The following IFNA5 variants were observed in gnomAD, a reference collection of about 807,000 sequenced individuals.
IFNA5 encodes the protein interferon alpha 5.
For synonymous variants in IFNA5, 95 were observed against 77.6 expected, an observed-to-expected ratio of 1.22 and a Z score of -1.18; for missense variants, 267 against 213.8, an observed-to-expected ratio of 1.25 and a Z score of -1.55.
the IFNA5 span, chr9:21,304,827 TCA>T: frequency 1.2e-6 from 2 of 1,614,196 alleles, no homozygotes; most frequent in Non-Finnish European, 1.7e-6. Context: ...AAGTATTTTC[TCA>T]CAGTCAGGAT....
rs1420109213 is a variant in IFNA5 at position 21,304,969 on chromosome 9, T to C, written c.288A>G (p.Ser96=). The C allele has an allele frequency of 1.2e-6, 2 of 1,614,208 alleles. No individual in the cohort carries two copies. The highest frequency in any genetic ancestry group is 1.7e-6 in the Non-Finnish European group (2 of 1,180,028). The part of the protein sequence containing the change: ...QTFNLFSTKD[S]SATWDETLLD... ...GAAGTGTCTCATCCCAAGTAGCAGA[T>C]GAGTCCTTTGTGCTGAAGAGATTGA... is the stretch of plus-strand genomic sequence containing the variant. The change falls in exon 1 of 1, where the codon TCA becomes TCG. Residue 96 remains serine, a synonymous_variant. Transcript: ENST00000610521.
In IFNA5 at chr9:21,304,329, A is replaced by T. The variant is rs1819806552; in HGVS notation, c.*358T>A. The T allele has an allele frequency of 6.6e-6, 1 of 152,450 alleles. No homozygotes were observed. The allele number at this position is 152,450 out of a possible 1,614,324, so 9.4% of individuals were successfully genotyped here. A position where few individuals can be genotyped will look rare whatever the true frequency, so the allele number is the denominator to read the frequency against. Reference sequence around the variant, plus strand: ...GAACAAAGCAAAATAATCAGTTGACAAAACATAAAGAACATATTTTATTAT... The same window carrying T: ...GAACAAAGCAAAATAATCAGTTGACTAAACATAAAGAACATATTTTATTAT... On this transcript the variant is annotated 3_prime_UTR_variant, in exon 1 of 1. Coordinates refer to ENST00000610521, the MANE Select transcript of IFNA5 (RefSeq NM_002169.3).
rs149567637 is a variant in IFNA5 at position 21,305,060 on chromosome 9, A to G, written c.197T>C (p.Phe66Ser). The G allele has an allele frequency of 6.8e-4, 1,101 of 1,614,210 alleles. 8 individuals carry two copies. In the African/African-American group the frequency reaches 0.014, roughly 20 times the overall value. ...AGCCTTCTGGAACTGGTTGCCATCA[A>G]ACTCCTCCTGAGGAAATCCAAAGTC... ...RHDFGFPQEE[F>S]DGNQFQKAQA... The change falls in exon 1 of 1, where the codon TTT becomes TCT. Residue 66 changes from phenylalanine to serine, a missense_variant. By Grantham distance (155) the Phe-to-Ser change is radical (BLOSUM62 -2). Transcript: ENST00000610521.
chr9:21,305,135 A>G lies in IFNA5; in HGVS notation c.122T>C (p.Met41Thr). 2 of 1,614,140 alleles carry G rather than the reference A, an allele frequency of 1.2e-6. No individual in the cohort carries two copies. The highest frequency in any genetic ancestry group is 1.7e-6 in the Non-Finnish European group (2 of 1,180,022). ...SLSNRRTLMI[M>T]AQMGRISPFS... ...AGGAGAGATTCTTCCCATTTGTGCCATTATCATCAAAGTCCTCCTGTTACT... is the reference window on the plus strand; with the variant it reads ...AGGAGAGATTCTTCCCATTTGTGCCGTTATCATCAAAGTCCTCCTGTTACT... The change falls in exon 1 of 1, where the codon ATG becomes ACG. Residue 41 changes from methionine to threonine, a missense_variant. Met to Thr is a moderately conservative substitution (Grantham distance 81). Coordinates refer to ENST00000610521, the MANE Select transcript of IFNA5 (RefSeq NM_002169.3).
Position 21,304,758 on chromosome 9 carries a change from C to G in IFNA5, c.499G>C (p.Val167Leu). The change falls in exon 1 of 1, where the codon GTC becomes CTC. Residue 167 changes from valine to leucine, a missense_variant. Coordinates refer to ENST00000610521, the MANE Select transcript of IFNA5 (RefSeq NM_002169.3). ...AAGGATCTCATGATTTCTGCTCTGACAACCTCCCATGCACAAGGGCTGTAT... is the reference window on the plus strand; with the variant it reads ...AAGGATCTCATGATTTCTGCTCTGAGAACCTCCCATGCACAAGGGCTGTAT... The part of the protein sequence containing the change: ...KKYSPCAWEV[V>L]RAEIMRSFSL... The G allele has an allele frequency of 6.2e-7, 1 of 1,613,978 alleles. No homozygotes were observed. The highest frequency in any genetic ancestry group is 8.5e-7 in the Non-Finnish European group (1 of 1,179,992).
rs1467169038 is a variant in IFNA5 at position 21,305,080 on chromosome 9, A to T, written c.177T>A (p.Phe59Leu). The part of the protein sequence containing the change: ...PFSCLKDRHD[F>L]GFPQEEFDGN... ...CATCAAACTCCTCCTGAGGAAATCC[A>T]AAGTCATGTCTGTCCTTCAGGCAGG... The change falls in exon 1 of 1, where the codon TTT becomes TTA. Residue 59 changes from phenylalanine to leucine, a missense_variant. Physicochemically the swap from Phe to Leu is conservative, Grantham distance 22. Transcript: ENST00000610521. 8 of 1,614,070 alleles carry T rather than the reference A, an allele frequency of 5.0e-6. No individual in the cohort carries two copies. The highest frequency in any genetic ancestry group is 6.8e-6 in the Non-Finnish European group (8 of 1,180,028).
rs1415139430 is a variant in IFNA5, at chr9:21,304,534, A to C, written c.*153T>G. 5 of 786,900 alleles carry C rather than the reference A, an allele frequency of 6.4e-6. No homozygotes were observed. The highest frequency in any genetic ancestry group is 7.9e-6 in the Non-Finnish European group (4 of 505,044). The allele number at this position is 786,900 out of a possible 1,614,324, so 48.7% of individuals were successfully genotyped here. The stretch of plus-strand genomic sequence containing the variant: ...TAAAGATTTTGTCCCTGTGGAGCTA[A>C]AGAAGTGTTGCTTAACACGTGTGAA... On this transcript the variant is annotated 3_prime_UTR_variant, in exon 1 of 1. Coordinates refer to ENST00000610521, the MANE Select transcript of IFNA5 (RefSeq NM_002169.3).
Position 21,304,513 on chromosome 9 carries a change from G to T in IFNA5, c.*174C>A, listed in dbSNP as rs541030869. 1 of 607,310 alleles carries T rather than the reference G, an allele frequency of 1.6e-6. No individual in the cohort carries two copies. 37.6% of individuals were successfully genotyped at this position (607,310 alleles called of 1,614,324 possible). On this transcript the variant is annotated 3_prime_UTR_variant, in exon 1 of 1. Coordinates refer to ENST00000610521, the MANE Select transcript of IFNA5 (RefSeq NM_002169.3). ...ATAGATTGGCATGATCATCTGTAAA[G>T]ATTTTGTCCCTGTGGAGCTAAAGAA...
Position 21,304,487 on chromosome 9 carries a change from G to C in IFNA5, c.*200C>G, listed in dbSNP as rs1819809644. 4.4e-6 allele frequency: 2 copies of C among 458,418 alleles called. No individual in the cohort carries two copies. Among genetic ancestry groups the C allele is most frequent in the East Asian group, 8.2e-5 (2 of 24,396 alleles). 28.4% of individuals were successfully genotyped at this position (458,418 alleles called of 1,614,324 possible). On this transcript the variant is annotated 3_prime_UTR_variant, in exon 1 of 1. Coordinates refer to ENST00000610521, the MANE Select transcript of IFNA5 (RefSeq NM_002169.3). ...GACAGATAGATAAATAGATAGAATA[G>C]ATAGATTGGCATGATCATCTGTAAA... is the stretch of plus-strand genomic sequence containing the variant.
rs1819817783 is a variant in IFNA5, at chr9:21,304,844, T to A, written c.413A>T (p.Asp138Val). The A allele has an allele frequency of 6.2e-7, 1 of 1,613,972 alleles. No homozygotes were observed. Among genetic ancestry groups the A allele is most frequent in the Non-Finnish European group, 8.5e-7 (1 of 1,180,008 alleles). ...GVEDTPLMNVDSILTVRKYFQ... is the reference protein window; with the variant it reads ...GVEDTPLMNVVSILTVRKYFQ... ...GTATTTTCTCACAGTCAGGATAGAGTCCACATTCATCAGAGGAGTGTCTTC... is the reference window on the plus strand; with the variant it reads ...GTATTTTCTCACAGTCAGGATAGAGACCACATTCATCAGAGGAGTGTCTTC... Residue 138 changes from aspartate to valine, a missense_variant, in exon 1 of 1, where the codon GAC (aspartate) becomes GTC (valine). Coordinates refer to ENST00000610521, the MANE Select transcript of IFNA5 (RefSeq NM_002169.3).
rs557546907 is a variant in IFNA5, at chr9:21,304,378, T to G, written c.*309A>C. The G allele has an allele frequency of 6.5e-6, 1 of 153,298 alleles. No homozygotes were observed. Among genetic ancestry groups the G allele is most frequent in the Admixed American group, 6.5e-5 (1 of 15,332 alleles). The allele number at this position is 153,298 out of a possible 1,614,324, so 9.5% of individuals were successfully genotyped here. A position where few individuals can be genotyped will look rare whatever the true frequency, so the allele number is the denominator to read the frequency against. Reference sequence around the variant, plus strand: ...ATATTAGCCACAAAGTAAAGGTGGATGTAATATTACCTGAACAAACATAAT... The same window carrying G: ...ATATTAGCCACAAAGTAAAGGTGGAGGTAATATTACCTGAACAAACATAAT... On this transcript the variant is annotated 3_prime_UTR_variant, in exon 1 of 1. Coordinates refer to ENST00000610521, the MANE Select transcript of IFNA5 (RefSeq NM_002169.3).
Position 21,304,995 on chromosome 9 carries a change from A to G in IFNA5, c.262T>C (p.Phe88Leu). The G allele has an allele frequency of 6.2e-7, 1 of 1,614,180 alleles. No individual in the cohort carries two copies. The highest frequency in any genetic ancestry group is 8.5e-7 in the Non-Finnish European group (1 of 1,180,012). The change falls in exon 1 of 1, where the codon TTC becomes CTC. Residue 88 changes from phenylalanine to leucine, a missense_variant. Coordinates refer to ENST00000610521, the MANE Select transcript of IFNA5 (RefSeq NM_002169.3). Reference sequence around the variant, plus strand: ...GAGTCCTTTGTGCTGAAGAGATTGAAGGTCTGCTGGATCATCTCATGGAGG... The same window carrying G: ...GAGTCCTTTGTGCTGAAGAGATTGAGGGTCTGCTGGATCATCTCATGGAGG... ...SVLHEMIQQT[F>L]NLFSTKDSSA... is the part of the protein sequence containing the mutation.
In IFNA5 at chr9:21,304,891, A is replaced by C; in HGVS notation, c.366T>G (p.Cys122Trp). ...LYQQLNDLEACMMQEVGVEDT... is the reference protein window; with the variant it reads ...LYQQLNDLEAWMMQEVGVEDT... ...CTTCCACTCCAACCTCCTGCATCAT[A>C]CAGGCTTCCAGGTCATTCAGCTGCT... is the stretch of plus-strand genomic sequence containing the variant. The change falls in exon 1 of 1, where the codon TGT becomes TGG. Residue 122 changes from cysteine to tryptophan, a missense_variant. Cys to Trp is a radical substitution (Grantham distance 215). Coordinates refer to ENST00000610521, the MANE Select transcript of IFNA5 (RefSeq NM_002169.3). The C allele has an allele frequency of 6.2e-7, 1 of 1,614,198 alleles. No individual in the cohort carries two copies. Among genetic ancestry groups the C allele is most frequent in the Non-Finnish European group, 8.5e-7 (1 of 1,180,028 alleles).
rs1290258241 is a variant in IFNA5, at chr9:21,304,816, A to G, written c.441T>C (p.Phe147=). 5.6e-6 allele frequency: 9 copies of G among 1,614,078 alleles called. No homozygotes were observed. In the East Asian group the frequency reaches 1.3e-4, roughly 24 times the overall value. The change falls in exon 1 of 1, where the codon TTT becomes TTC. Residue 147 remains phenylalanine, a synonymous_variant. Transcript: ENST00000610521. ...VDSILTVRKY[F]QRITLYLTEK... ...CTGTCAGATAGAGGGTGATTCTTTGAAAGTATTTTCTCACAGTCAGGATAG... is the reference window on the plus strand; with the variant it reads ...CTGTCAGATAGAGGGTGATTCTTTGGAAGTATTTTCTCACAGTCAGGATAG...
chr9:21,304,630 A>G lies in IFNA5; in HGVS notation c.*57T>C. ...ATTAATATTTGAAACGGCAGAACTC[A>G]AGAAGTGTGAAATGGTGTACTAGTC... On this transcript the variant is annotated 3_prime_UTR_variant, in exon 1 of 1. Transcript: ENST00000610521. 1 of 1,528,266 alleles carries G rather than the reference A, an allele frequency of 6.5e-7. No individual in the cohort carries two copies. Among genetic ancestry groups the G allele is most frequent in the Admixed American group, 2.1e-5 (1 of 47,418 alleles). The allele number at this position is 1,528,266 out of a possible 1,614,324, so 94.7% of individuals were successfully genotyped here. A position where few individuals can be genotyped will look rare whatever the true frequency, so the allele number is the denominator to read the frequency against.
chr9:21,304,675 T>C lies in IFNA5; in HGVS notation c.*12A>G. On this transcript the variant is annotated 3_prime_UTR_variant, in exon 1 of 1. Transcript: ENST00000610521. Reference sequence around the variant, plus strand: ...CTAGTCAATGAGAATCATTTCGATGTTGAACCAGTTTTCATTCCTTCCTCC... The same window carrying C: ...CTAGTCAATGAGAATCATTTCGATGCTGAACCAGTTTTCATTCCTTCCTCC... 1 of 1,605,742 alleles carries C rather than the reference T, an allele frequency of 6.2e-7. No individual in the cohort carries two copies. Among genetic ancestry groups the C allele is most frequent in the Non-Finnish European group, 8.5e-7 (1 of 1,176,780 alleles).
At position 21,304,496 on chromosome 9, in the gene IFNA5, G is replaced by T; in HGVS notation, c.*191C>A. The T allele has an allele frequency of 2.0e-6, 1 of 502,218 alleles. No homozygotes were observed. 31.1% of individuals were successfully genotyped at this position (502,218 alleles called of 1,614,324 possible). ...ATAAATAGATAGAATAGATAGATTG[G>T]CATGATCATCTGTAAAGATTTTGTC... On this transcript the variant is annotated 3_prime_UTR_variant, in exon 1 of 1. Coordinates refer to ENST00000610521, the MANE Select transcript of IFNA5 (RefSeq NM_002169.3).
chr9:21,304,608 A>G lies in IFNA5; in HGVS notation c.*79T>C, dbSNP rs2133004657. On this transcript the variant is annotated 3_prime_UTR_variant, in exon 1 of 1. Transcript: ENST00000610521. ...TCAAGTCATGGATATAGCAGAAATT[A>G]ATATTTGAAACGGCAGAACTCAAGA... 2 of 1,461,338 alleles carry G rather than the reference A, an allele frequency of 1.4e-6. No individual in the cohort carries two copies. Among genetic ancestry groups the G allele is most frequent in the Non-Finnish European group, 1.9e-6 (2 of 1,079,854 alleles). 90.5% of individuals were successfully genotyped at this position (1,461,338 alleles called of 1,614,324 possible).
rs1266857631 is a variant in IFNA5, at chr9:21,304,941, C to T, written c.316G>A (p.Asp106Asn). The T allele has an allele frequency of 6.2e-7, 1 of 1,614,036 alleles. No individual in the cohort carries two copies. Among genetic ancestry groups the T allele is most frequent in the African/African-American group, 1.3e-5 (1 of 74,906 alleles). ...SSATWDETLL[D>N]KFYTELYQQL... ...TGGTAAAGTTCAGTGTAGAATTTGTCTAGAAGTGTCTCATCCCAAGTAGCA... is the reference window on the plus strand; with the variant it reads ...TGGTAAAGTTCAGTGTAGAATTTGTTTAGAAGTGTCTCATCCCAAGTAGCA... Residue 106 changes from aspartate (D) to asparagine (N), a missense_variant, in exon 1 of 1, where the codon GAC (aspartate) becomes AAC (asparagine). By Grantham distance (23) the Asp-to-Asn change is conservative. Coordinates refer to ENST00000610521, the MANE Select transcript of IFNA5 (RefSeq NM_002169.3).
Sources: gnomAD v4.1 joint callset for allele counts on GRCh38, gnomAD v4.1.1 for gene constraint, MANE v1.5 for transcripts, NCBI Gene and HGNC (gene_info 2026-07-23, HGNC 2026-07-21) for gene names.